KCNIP4: variants seen among roughly 807,000 people sequenced by gnomAD.
KCNIP4 encodes the protein Kv channel-interacting protein 4.
KCNIP4 carries 12 observed loss-of-function variants against 34.0 expected under a neutral mutation model. The ratio of observed to expected loss-of-function variants is 0.35; its 90% CI spans 0.23 to 0.57. The LOEUF is 0.57. KCNIP4 is among the 20% of genes least tolerant of loss of function. The pLI, the probability that KCNIP4 is intolerant of heterozygous loss-of-function variation, is 0.83. For synonymous variants in KCNIP4, 124 were observed against 102.2 expected (o/e 1.21, Z -1.29); for missense variants, 238 against 311.7 (o/e 0.76, Z 1.78).
intron 1 of KCNIP4, among the ~76,000 whole-genome samples, chr4:21,750,885 T>A (rs1423163189): frequency 6.6e-6 from 1 of 152,112 alleles, no homozygotes; most frequent in East Asian, 1.9e-4. Flanking sequence ...ACAACTCCAT[T>A]AGGCAACATA....
chr4:21,383,509 A>G (rs1015475720), intron 1 of KCNIP4, among the ~76,000 whole-genome samples: 2 of 151,896 alleles, frequency 1.3e-5, no homozygotes, highest in African/African-American at 4.8e-5. Context: ...AAAAAAAAAA[A>G]AAAAAAAGAG....
chr4:21,714,788 TA>T (rs1226759861), intron 1 of KCNIP4, among the ~76,000 whole-genome samples: 108 of 2,270 alleles, frequency 0.048, 8 homozygotes, highest in Admixed American at 0.062. Context: ...TCCCTTTGAT[TA>T]TTTTATTTTA....
chr4:21,383,581 AT>A (rs754110442), intron 1 of KCNIP4, among the ~76,000 whole-genome samples: 96 of 151,940 alleles, frequency 6.3e-4, no homozygotes, highest in Non-Finnish European at 1.2e-3. Flanking sequence ...ATAAGACAGG[AT>A]GACAGTGTGA....
intron 1 of KCNIP4, among the ~76,000 whole-genome samples, chr4:21,218,697 T>C (rs540758599): frequency 6.6e-6 from 1 of 152,166 alleles, no homozygotes; most frequent in Non-Finnish European, 1.5e-5. Context: ...TTCACAGACA[T>C]CTCAAGGCCC....
At chr4:21,018,786 A>C (rs1293057206) in intron 1 of KCNIP4, among the ~76,000 whole-genome samples, 1 of 152,060 alleles carries the variant, frequency 6.6e-6, no homozygotes, top group Non-Finnish European at 1.5e-5. Context: ...GCTTCTTGGG[A>C]TACTTGGACT....
At chr4:21,412,680 A>T (rs1724611833) in intron 1 of KCNIP4, among the ~76,000 whole-genome samples, 1 of 152,180 alleles carries the variant, frequency 6.6e-6, no homozygotes, top group Admixed American at 6.5e-5. Flanking sequence ...GATGCCTTTT[A>T]AATCTGTCTA....
chr4:21,667,114 C>G (rs1051994131), intron 1 of KCNIP4, among the ~76,000 whole-genome samples: 1 of 152,124 alleles, frequency 6.6e-6, no homozygotes, highest in African/African-American at 2.4e-5. Flanking sequence ...AGGAAAGAGA[C>G]GAAGCCAACT....
At chr4:21,320,744 G>A (rs563664434) in intron 1 of KCNIP4, among the ~76,000 whole-genome samples, 128 of 152,204 alleles carry the variant, frequency 8.4e-4, no homozygotes, top group African/African-American at 3.0e-3. Context: ...ACCAAGGCGG[G>A]TGGATCACTT....
chr4:20,818,181 C>T (rs1716650154), intron 3 of KCNIP4, among the ~76,000 whole-genome samples: 1 of 152,108 alleles, frequency 6.6e-6, no homozygotes, highest in Non-Finnish European at 1.5e-5. Flanking sequence ...ATTTGAGGTT[C>T]AGAGGTGTCA....
At chr4:21,850,736 A>G (rs949929458) in intron 1 of KCNIP4, 14 of 152,110 alleles carry the variant, frequency 9.2e-5, no homozygotes, top group African/African-American at 3.4e-4. Context: ...GATTTTTTAC[A>G]TCAGTTTGAT....
intron 1 of KCNIP4, among the ~76,000 whole-genome samples, chr4:21,357,405 G>A (rs1718746003): frequency 6.6e-6 from 1 of 152,114 alleles, no homozygotes; most frequent in Non-Finnish European, 1.5e-5. Flanking sequence ...GAAAATTTTT[G>A]CAATCTACCC....
intron 1 of KCNIP4, among the ~76,000 whole-genome samples, chr4:21,152,479 C>G (rs1343534528): frequency 6.6e-6 from 1 of 151,972 alleles, no homozygotes; most frequent in African/African-American, 2.4e-5. Flanking sequence ...CTATCACTGC[C>G]CCACCAAACT....
At chr4:21,524,487 C>CT (rs550598855) in intron 1 of KCNIP4, among the ~76,000 whole-genome samples, 1 of 151,998 alleles carries the variant, frequency 6.6e-6, no homozygotes, top group Non-Finnish European at 1.5e-5. Flanking sequence ...GCCACTATGA[C>CT]TTTTTTTTCT....
intron 1 of KCNIP4, among the ~76,000 whole-genome samples, chr4:21,452,024 A>C (rs1271166546): frequency 6.6e-6 from 1 of 152,086 alleles, no homozygotes; most frequent in East Asian, 1.9e-4. Context: ...AAATCAAATA[A>C]GGGTTCTGTT....
chr4:21,540,945 T>G (rs1321214168), intron 1 of KCNIP4, among the ~76,000 whole-genome samples: 1 of 151,720 alleles, frequency 6.6e-6, no homozygotes, highest in Non-Finnish European at 1.5e-5. Context: ...CCGAGGTGGG[T>G]GGATCACCTG....
rs1367563513 is a variant in KCNIP4, at chr4:21,945,959, G to A, written c.61+2612C>T. 2.0e-5 allele frequency among the ~76,000 whole-genome samples: 3 copies of A among 149,296 alleles called. No homozygotes were observed. In the Admixed American group the frequency reaches 2.0e-4, roughly 10 times the overall value. On this transcript the variant is annotated intron_variant, in intron 1 of 8. Coordinates refer to ENST00000382152, the MANE Select transcript of KCNIP4 (RefSeq NM_025221.6). ...AACTCACCCATTTTCTGTCCTCTCT[G>A]GCATTAACAATGTCAATTACAGTGA...
intron 1 of KCNIP4, among the ~76,000 whole-genome samples, chr4:21,575,347 A>T (rs1045548656): frequency 2.0e-5 from 3 of 152,212 alleles, no homozygotes; most frequent in African/African-American, 7.2e-5. Context: ...ATTGAGTTCA[A>T]TAGTTCCTAC....
intron 1 of KCNIP4, among the ~76,000 whole-genome samples, chr4:21,255,440 A>G (rs1298682223): frequency 6.6e-6 from 1 of 151,966 alleles, no homozygotes; most frequent in African/African-American, 2.4e-5. Flanking sequence ...AAGTTATCAA[A>G]AATCCATCTT....
At chr4:21,440,057 C>T (rs2109700724) in intron 1 of KCNIP4, among the ~76,000 whole-genome samples, 1 of 152,350 alleles carries the variant, frequency 6.6e-6, no homozygotes, top group East Asian at 1.9e-4. Context: ...CTTGCTTATT[C>T]TCTGACCCAA....
Sources: allele counts gnomAD v4.1 joint callset (sites outside exome capture counted in the v4.1 genomes callset), GRCh38; gene constraint gnomAD v4.1.1; transcripts MANE v1.5; gene names NCBI Gene and HGNC (gene_info 2026-07-23, HGNC 2026-07-21).